ACVR1B: variants seen among roughly 807,000 people sequenced by gnomAD.
ACVR1B encodes the protein activin A receptor type 1B.
ACVR1B carries 15 observed loss-of-function variants against 55.6 expected under a neutral mutation model. That is an observed-to-expected ratio of 0.27 (90% CI 0.18 to 0.42). The LOEUF is 0.42. Ranked by LOEUF, ACVR1B falls within the 10% of genes least tolerant of loss-of-function variation. ACVR1B has a pLI of 1.00. For missense variants in ACVR1B, 359 were observed against 670.1 expected (o/e 0.54, Z 5.13); for synonymous variants, 247 against 254.6 (o/e 0.97, Z 0.28).
At chr12:51,977,092 C>T (rs926545866) in intron 3 of ACVR1B, among the ~76,000 whole-genome samples, 13 of 152,138 alleles carry the variant, frequency 8.5e-5, no homozygotes, top group African/African-American at 2.9e-4. Flanking sequence ...CAGTGTGGGC[C>T]TCCAGCATAG....
At position 51,953,594 on chromosome 12, in the gene ACVR1B, T is replaced by TAA. The variant is rs11404836; in HGVS notation, c.91+1774_91+1775dup. 4,861 of 742,170 alleles carry TAA rather than the reference T, an allele frequency of 6.5e-3. 25 individuals are homozygous for TAA. The highest frequency in any genetic ancestry group is 0.035 in the African/African-American group (1,731 of 48,772). The allele number at this position is 742,170 out of a possible 1,614,324, so 46.0% of individuals were successfully genotyped here. On this transcript the variant is annotated intron_variant, in intron 1 of 8. Transcript: ENST00000257963. ...TAACATAATGTTCTCTACTGGGTAGTAAAAAAAAAAAAAAAGGGAGATTGA... is the reference window on the plus strand; with the variant it reads ...TAACATAATGTTCTCTACTGGGTAGTAAAAAAAAAAAAAAAAAGGGAGATTGA...
Position 51,981,017 on chromosome 12 carries a change from A to G in ACVR1B, c.629A>G (p.Gln210Arg), listed in dbSNP as rs760482888. 1 of 1,614,142 alleles carries G rather than the reference A, an allele frequency of 6.2e-7. No homozygotes were observed. The highest frequency in any genetic ancestry group is 8.5e-7 in the Non-Finnish European group (1 of 1,179,992). Residue 210 changes from glutamine to arginine, a missense_variant, in exon 4 of 9, where the codon CAA (glutamine) becomes CGA (arginine). Gln to Arg is a conservative substitution (Grantham distance 43). Transcript: ENST00000257963. ...ACAGTGGCCCGAACCATCGTTTTAC[A>G]AGAGATTATTGGCAAGGGTCGGTTT... ...QRTVARTIVL[Q>R]EIIGKGRFGE...
intron 1 of ACVR1B, among the ~76,000 whole-genome samples, chr12:51,954,121 A>T (rs1269385588): frequency 6.6e-6 from 1 of 152,224 alleles, no homozygotes; most frequent in South Asian, 2.1e-4. Flanking sequence ...TGCATTTCCT[A>T]TATAGTGCTC....
At chr12:51,979,030 G>C (rs1436233240) in intron 3 of ACVR1B, among the ~76,000 whole-genome samples, 2 of 151,066 alleles carry the variant, frequency 1.3e-5, no homozygotes, top group Non-Finnish European at 2.9e-5. Flanking sequence ...GGGTGTAGTG[G>C]CACACGCCTA....
chr12:51,965,037 A>G (rs1050461458), intron 1 of ACVR1B, among the ~76,000 whole-genome samples: 7 of 151,766 alleles, frequency 4.6e-5, no homozygotes, highest in African/African-American at 1.5e-4. Flanking sequence ...GATTGTATTG[A>G]CTCTCATCTG....
chr12:51,984,186 A>G lies in ACVR1B; in HGVS notation c.979+20A>G, dbSNP rs1362337945. 6.2e-7 allele frequency: 1 copy of G among 1,613,752 alleles called. No individual in the cohort carries two copies. ...CCCAAGGTGAGTGGACTAGCGCAGG[A>G]GCGGCGAAGTGGTGTAGGCATGAAA... On this transcript the variant is annotated intron_variant, in intron 5 of 8. Coordinates refer to ENST00000257963, the MANE Select transcript of ACVR1B (RefSeq NM_004302.5).
At chr12:51,966,833 G>T (rs1031338689) in intron 1 of ACVR1B, among the ~76,000 whole-genome samples, 1 of 152,186 alleles carries the variant, frequency 6.6e-6, no homozygotes, top group African/African-American at 2.4e-5. Context: ...TTATATTAAG[G>T]CTATTATTGT....
At chr12:51,962,705 A>G (rs975997641) in intron 1 of ACVR1B, among the ~76,000 whole-genome samples, 11 of 152,316 alleles carry the variant, frequency 7.2e-5, no homozygotes, top group Admixed American at 3.3e-4. Flanking sequence ...TCAGATTTTC[A>G]TAAACATTTT....
chr12:51,954,342 T>G (rs1277940291), intron 1 of ACVR1B, among the ~76,000 whole-genome samples: 2 of 152,260 alleles, frequency 1.3e-5, no homozygotes, highest in Non-Finnish European at 2.9e-5. Flanking sequence ...TTTGGAATTT[T>G]CACATTTAAA....
At chr12:51,958,580 G>A (rs569127517) in intron 1 of ACVR1B, among the ~76,000 whole-genome samples, 4 of 151,690 alleles carry the variant, frequency 2.6e-5, no homozygotes, top group African/African-American at 7.3e-5. Flanking sequence ...TCCGGGAGGC[G>A]GAGGTTGCAG....
intron 1 of ACVR1B, chr12:51,953,594 T>TTA (rs1555157659): frequency 1.3e-6 from 1 of 743,208 alleles, no homozygotes; most frequent in African/African-American, 2.1e-5. Flanking sequence ...TACTGGGTAG[T>TTA]AAAAAAAAAA....
chr12:51,985,598 C>T (rs181852317), intron 6 of ACVR1B, among the ~76,000 whole-genome samples: 2 of 152,214 alleles, frequency 1.3e-5, no homozygotes, highest in African/African-American at 4.8e-5. Flanking sequence ...GTATTAAGGT[C>T]GGAGGGTAGA....
chr12:51,957,031 G>C (rs548388710), intron 1 of ACVR1B, among the ~76,000 whole-genome samples: 2 of 152,156 alleles, frequency 1.3e-5, no homozygotes, highest in East Asian at 3.9e-4. Context: ...GGCTTCACCT[G>C]CTGAGATTAC....
At chr12:51,987,960 G>C (rs1458163724) in intron 7 of ACVR1B, among the ~76,000 whole-genome samples, 1 of 152,052 alleles carries the variant, frequency 6.6e-6, no homozygotes, top group Non-Finnish European at 1.5e-5. Context: ...TACCCCATAA[G>C]TATATACATC....
At chr12:51,982,628 G>GT in intron 4 of ACVR1B, 1 of 1,454,242 alleles carries the variant, frequency 6.9e-7, no homozygotes, top group Non-Finnish European at 9.0e-7. Flanking sequence ...CAATTTAGAA[G>GT]TTAGTGTCTA....
chr12:51,976,286 T>C, intron 2 of ACVR1B, 41 bp from the exon 3 acceptor site: 3 of 1,611,126 alleles, frequency 1.9e-6, no homozygotes, highest in Non-Finnish European at 2.5e-6. Flanking sequence ...TCCCTTGTTT[T>C]TACTTCTCAT....
chr12:51,954,234 G>T (rs572558660), intron 1 of ACVR1B, among the ~76,000 whole-genome samples: 1 of 152,314 alleles, frequency 6.6e-6, no homozygotes, highest in African/African-American at 2.4e-5. Flanking sequence ...ATTAATTAAT[G>T]AATTAACTAG....
At chr12:51,960,792 T>G (rs1007076684) in intron 1 of ACVR1B, among the ~76,000 whole-genome samples, 3 of 152,240 alleles carry the variant, frequency 2.0e-5, no homozygotes, top group African/African-American at 7.2e-5. Flanking sequence ...TTGTTTTCCA[T>G]CCTACGGCTA....
intron 1 of ACVR1B, among the ~76,000 whole-genome samples, chr12:51,973,265 C>T (rs922299070): frequency 2.0e-5 from 3 of 152,214 alleles, no homozygotes; most frequent in African/African-American, 7.2e-5. Context: ...TCTCACTGTG[C>T]TCAGAATAGT....
Sources: allele counts gnomAD v4.1 joint callset (sites outside exome capture counted in the v4.1 genomes callset), GRCh38; gene constraint gnomAD v4.1.1; transcripts MANE v1.5; gene names NCBI Gene and HGNC (gene_info 2026-07-23, HGNC 2026-07-21).